Variants in ATXN1 observed in about 807,000 individuals in gnomAD.
ATXN1 encodes the protein ataxin-1.
ATXN1 carries 8 observed loss-of-function variants against 56.4 expected under a neutral mutation model. The observed-to-expected ratio is 0.14, with a 90% CI of 0.08 to 0.26. The LOEUF is 0.26. Among genes scored for constraint, ATXN1 ranks in the 10% least tolerant of loss-of-function variants. The pLI is 1.00. For synonymous variants in ATXN1, 514 were observed against 494.6 expected (o/e 1.04, Z -0.52); for missense variants, 987 against 1,106.5 (o/e 0.89, Z 1.53).
chr6:16,605,091 T>A (rs1398625135), intron 3 of ATXN1, among the ~76,000 whole-genome samples: 1 of 152,180 alleles, frequency 6.6e-6, no homozygotes, highest in East Asian at 1.9e-4. Flanking sequence ...GGTGTAAAAG[T>A]AATACAAATT....
chr6:16,306,199 T>G lies in ATXN1; in HGVS notation c.*130A>C, dbSNP rs1760243718. 2 of 1,175,572 alleles carry G rather than the reference T, an allele frequency of 1.7e-6. No individual in the cohort carries two copies. Among genetic ancestry groups the G allele is most frequent in the Non-Finnish European group, 2.4e-6 (2 of 841,696 alleles). 72.8% of individuals were successfully genotyped at this position (1,175,572 alleles called of 1,614,324 possible). A position where few individuals can be genotyped will look rare whatever the true frequency, so the allele number is the denominator to read the frequency against. ...TGCGACACACCTGCTGTAACTCTAA[T>G]GACAAGGTTAGAACAGAAACCTAAA... is the stretch of plus-strand genomic sequence containing the variant. On this transcript the variant is annotated 3_prime_UTR_variant, in exon 8 of 8. Coordinates refer to ENST00000436367, the MANE Select transcript of ATXN1 (RefSeq NM_001128164.2). The surrounding 1 kb of genome is among the most constrained non-coding windows in gnomAD (Gnocchi z 5.2).
chr6:16,742,860 A>C (rs1230611958), intron 2 of ATXN1, among the ~76,000 whole-genome samples: 1 of 152,184 alleles, frequency 6.6e-6, no homozygotes, highest in East Asian at 1.9e-4. Context: ...TCCATGTGGT[A>C]CCTTAACCTA....
intron 6 of ATXN1, among the ~76,000 whole-genome samples, chr6:16,333,298 T>C (rs543920728): frequency 2.2e-4 from 34 of 152,188 alleles, no homozygotes; most frequent in Non-Finnish European, 4.9e-4. Context: ...AAAAATGAAA[T>C]TTAACAAAGG....
intron 3 of ATXN1, among the ~76,000 whole-genome samples, chr6:16,618,790 A>T (rs1763267303): frequency 6.6e-6 from 1 of 152,060 alleles, no homozygotes; most frequent in Non-Finnish European, 1.5e-5. Flanking sequence ...AAAATTATTA[A>T]TATGCTTGAC....
intron 2 of ATXN1, among the ~76,000 whole-genome samples, chr6:16,728,173 G>A (rs1385084882): frequency 6.6e-6 from 1 of 152,212 alleles, no homozygotes; most frequent in Non-Finnish European, 1.5e-5. Flanking sequence ...GCTGAAAGGA[G>A]GCAAAGGCCT....
At position 16,306,517 on chromosome 6, in the gene ATXN1, C is replaced by T; in HGVS notation, c.2260G>A (p.Ala754Thr). The T allele has an allele frequency of 6.2e-7, 1 of 1,614,216 alleles. No homozygotes were observed. The highest frequency in any genetic ancestry group is 8.5e-7 in the Non-Finnish European group (1 of 1,180,032). ...TCTATTTTGGTGAGGAAGGGCGCTG[C>T]AGGCAATCCCATTTTCTCTGGAAAC... is the stretch of plus-strand genomic sequence containing the variant. The part of the protein sequence containing the change: ...LKFPEKMGLP[A>T]APFLTKIEPS... Residue 754 changes from alanine (A) to threonine (T), a missense_variant, in exon 8 of 8, where the codon GCA (alanine) becomes ACA (threonine). Physicochemically the swap from Ala to Thr is moderately conservative, Grantham distance 58 (BLOSUM62 0). This residue lies in a region of ATXN1 where 196 missense variants were observed against 196.7 expected (regional missense o/e 1.00). Coordinates refer to ENST00000436367, the MANE Select transcript of ATXN1 (RefSeq NM_001128164.2). The surrounding 1 kb of genome is among the most constrained non-coding windows in gnomAD (Gnocchi z 5.2).
chr6:16,584,640 C>G (rs1451689820), intron 4 of ATXN1, among the ~76,000 whole-genome samples: 1 of 148,852 alleles, frequency 6.7e-6, no homozygotes, highest in Non-Finnish European at 1.5e-5. Flanking sequence ...ATGACCCCCC[C>G]CACCCCCAAA....
intron 3 of ATXN1, among the ~76,000 whole-genome samples, chr6:16,594,568 C>T (rs1762782241): frequency 6.6e-6 from 1 of 151,724 alleles, no homozygotes; most frequent in Admixed American, 6.6e-5. Context: ...CTACAGCCTC[C>T]ACCTCCTGGG....
chr6:16,465,933 C>A (rs940657613), intron 6 of ATXN1, among the ~76,000 whole-genome samples: 2 of 152,114 alleles, frequency 1.3e-5, no homozygotes, highest in Non-Finnish European at 2.9e-5. Context: ...ACAGAAAATA[C>A]AAGGATTCTA....
intron 2 of ATXN1, among the ~76,000 whole-genome samples, chr6:16,696,777 G>C (rs1304347580): frequency 1.3e-5 from 2 of 152,150 alleles, no homozygotes; most frequent in African/African-American, 4.8e-5. Context: ...AGCCCCTCCA[G>C]CTTAGGCGAC....
chr6:16,444,104 A>T (rs1296373491), intron 6 of ATXN1, among the ~76,000 whole-genome samples: 4 of 126,386 alleles, frequency 3.2e-5, no homozygotes, highest in African/African-American at 1.0e-4. Flanking sequence ...CGACAGAGCG[A>T]GGCTCCGTCT....
chr6:16,731,759 T>C (rs1487257655), intron 2 of ATXN1, among the ~76,000 whole-genome samples: 3 of 152,090 alleles, frequency 2.0e-5, no homozygotes, highest in Non-Finnish European at 4.4e-5. Flanking sequence ...TCTCCGCCTC[T>C]TTCTCCCACC....
At chr6:16,574,245 G>A (rs957604121) in intron 4 of ATXN1, among the ~76,000 whole-genome samples, 4 of 151,828 alleles carry the variant, frequency 2.6e-5, no homozygotes, top group African/African-American at 4.8e-5. Context: ...TCGCTCTGTC[G>A]CCCAGGCTGG....
At chr6:16,466,545 A>T (rs1014354911) in intron 6 of ATXN1, among the ~76,000 whole-genome samples, 2 of 152,180 alleles carry the variant, frequency 1.3e-5, no homozygotes, top group African/African-American at 4.8e-5. Flanking sequence ...TTACATTCAT[A>T]TACTGGAAAA....
In ATXN1 at chr6:16,434,769, A is replaced by G. The variant is rs150259273; in HGVS notation, c.-161+51203T>C. On this transcript the variant is annotated intron_variant, in intron 6 of 7. Coordinates refer to ENST00000436367, the MANE Select transcript of ATXN1 (RefSeq NM_001128164.2). Reference sequence around the variant, plus strand: ...GGAGCTGAGGATTGAACGGGGAGAAACAGGAAGCTCCCTGCTCTCATAGTG... The same window carrying G: ...GGAGCTGAGGATTGAACGGGGAGAAGCAGGAAGCTCCCTGCTCTCATAGTG... Among the ~76,000 whole-genome samples, 1,227 of 152,340 alleles carry G rather than the reference A, an allele frequency of 8.1e-3. 13 individuals are homozygous for G. Among genetic ancestry groups the G allele is most frequent in the African/African-American group, 0.028 (1,154 of 41,570 alleles).
intron 6 of ATXN1, among the ~76,000 whole-genome samples, chr6:16,484,142 G>C (rs1476969913): frequency 1.3e-5 from 2 of 152,140 alleles, no homozygotes; most frequent in African/African-American, 4.8e-5. Flanking sequence ...TTAATAAAAA[G>C]GTAGTATGGG....
At chr6:16,578,090 T>C (rs1489362210) in intron 4 of ATXN1, among the ~76,000 whole-genome samples, 1 of 152,250 alleles carries the variant, frequency 6.6e-6, no homozygotes, top group Admixed American at 6.5e-5. Flanking sequence ...TATTTTATAA[T>C]AGTAGACTCT....
At chr6:16,751,037 G>C (rs1363974217) in intron 2 of ATXN1, among the ~76,000 whole-genome samples, 2 of 148,206 alleles carry the variant, frequency 1.3e-5, no homozygotes, top group African/African-American at 5.0e-5. Flanking sequence ...GGCGAGACCT[G>C]GGCTCACTGC....
chr6:16,474,864 ACTCT>A (rs33939841), intron 6 of ATXN1, among the ~76,000 whole-genome samples: 5 of 148,936 alleles, frequency 3.4e-5, no homozygotes, highest in African/African-American at 1.2e-4. Context: ...ACACACACAC[ACTCT>A]CTCTCTCTTT....
Sources: gnomAD v4.1 joint callset for allele counts (sites outside exome capture counted in the v4.1 genomes callset) on GRCh38, gnomAD v4.1.1 for gene constraint, gnomAD v4.1.1 regional missense constraint, Gnocchi (gnomAD v3.1) non-coding constraint, MANE v1.5 for transcripts, NCBI Gene and HGNC (gene_info 2026-07-23, HGNC 2026-07-21) for gene names.